The following DBH variants were observed in gnomAD, a reference collection of about 807,000 sequenced individuals.
The protein encoded by DBH is dopamine beta-hydroxylase (dopamine beta-monooxygenase).
A neutral mutation model predicts 64.0 loss-of-function variants in DBH; 49 were observed. That is an observed-to-expected ratio of 0.77 (90% CI 0.61 to 0.97). DBH has a LOEUF of 0.97. Among genes scored for constraint, DBH ranks in the 50% least tolerant of loss-of-function variants. The probability of loss-of-function intolerance (pLI) is 0.00; values close to 1 mark genes in which losing one functional copy is unlikely to be tolerated. For synonymous variants in DBH, 343 were observed against 347.1 expected (o/e 0.99, Z 0.13); for missense variants, 828 against 826.6 (o/e 1.00, Z -0.02).
At position 133,649,331 on chromosome 9, in the gene DBH, AC is replaced by A. The variant is rs1832218527; in HGVS notation, c.1191+1321del. 3.9e-5 allele frequency among the ~76,000 whole-genome samples: 6 copies of A among 152,336 alleles called. No individual in the cohort carries two copies. The South Asian group carries it at 1.2e-3, about 32-fold the overall frequency. On this transcript the variant is annotated intron_variant, in intron 6 of 11. Transcript: ENST00000393056. The stretch of plus-strand genomic sequence containing the variant: ...TGCGGTAGCTTTACTTCTCACAGTG[AC>A]CTGCAAAGTAAGTGTTGACGTACCC...
At chr9:133,657,441 A>AGGAGAGT in intron 11 of DBH, 1 of 420,574 alleles carries the variant, frequency 2.4e-6, no homozygotes, top group Non-Finnish European at 4.4e-6. Flanking sequence ...GAGGAGAGAG[A>AGGAGAGT]GGAGAGAGAG....
intron 2 of DBH, among the ~76,000 whole-genome samples, chr9:133,641,260 C>A (rs1337648910): frequency 6.6e-6 from 1 of 152,194 alleles, no homozygotes; most frequent in African/African-American, 2.4e-5. Context: ...AGTGGATGTA[C>A]CCAGGGGTTC....
Position 133,657,165 on chromosome 9 carries a change from A to AG in DBH, c.1660dup (p.Ala554GlyfsTer23). On this transcript the variant is annotated frameshift_variant, in exon 11 of 12. Transcript: ENST00000393056. LOFTEE classifies it high-confidence loss of function. ...AACTCCTTCAACCGCGACGTACTGA[A>AG]GGCCCTGTACAGCTTCGCGCCCATC... 1 of 1,614,082 alleles carries AG rather than the reference A, an allele frequency of 6.2e-7. No individual in the cohort carries two copies. Among genetic ancestry groups the AG allele is most frequent in the Non-Finnish European group, 8.5e-7 (1 of 1,180,016 alleles).
At chr9:133,656,106 C>T in intron 9 of DBH, 2 of 321,842 alleles carry the variant, frequency 6.2e-6, no homozygotes, top group Non-Finnish European at 1.2e-5. Flanking sequence ...GCTCCAGGCT[C>T]TCGCTGGAGG....
rs770831843 is a variant in DBH at position 133,658,332 on chromosome 9, AG to A, written c.1740del (p.Gln580HisfsTer101). Reference sequence around the variant, plus strand: ...TCCTTGCAGGGTGAATGGAACCTGCAGCCCCTGCCCAAGGTCATCTCCACAC... The same window carrying A: ...TCCTTGCAGGGTGAATGGAACCTGCACCCCTGCCCAAGGTCATCTCCACAC... ...AVRFQGEWNL[Q>X]PLPKVISTLE... On this transcript the variant is annotated frameshift_variant, in exon 12 of 12. Transcript: ENST00000393056. LOFTEE classifies it low-confidence loss of function (END_TRUNC). 6.2e-7 allele frequency: 1 copy of A among 1,613,916 alleles called. No individual in the cohort carries two copies. The highest frequency in any genetic ancestry group is 2.2e-5 in the East Asian group (1 of 44,856).
At chr9:133,652,097 A>T in intron 7 of DBH, 149 bp from the exon 8 acceptor site, 1 of 848,344 alleles carries the variant, frequency 1.2e-6, no homozygotes, top group Admixed American at 2.0e-5. Context: ...AGCCACACTT[A>T]GCGGGCTCTG....
chr9:133,658,079 C>T (rs193234159), intron 11 of DBH, among the ~76,000 whole-genome samples: 3 of 151,356 alleles, frequency 2.0e-5, no homozygotes, highest in South Asian at 4.2e-4. Context: ...GGGACAGAGG[C>T]GGGGAGAGGC....
chr9:133,650,686 T>C (rs996224870), intron 6 of DBH, among the ~76,000 whole-genome samples: 2 of 151,882 alleles, frequency 1.3e-5, no homozygotes, highest in Non-Finnish European at 2.9e-5. Flanking sequence ...TAGCTGGGAT[T>C]ACAGGCACGT....
At chr9:133,644,358 G>A in intron 5 of DBH, 38 bp downstream of exon 5, 1 of 1,539,646 alleles carries the variant, frequency 6.5e-7, no homozygotes, top group Non-Finnish European at 9.0e-7. Flanking sequence ...AGAAGCCCTA[G>A]GACTCAGCTG....
At chr9:133,658,230 C>T in intron 11 of DBH, 86 bp from the exon 12 acceptor site, 3 of 1,562,688 alleles carry the variant, frequency 1.9e-6, no homozygotes, top group Non-Finnish European at 2.6e-6. Flanking sequence ...GGCAAGAATC[C>T]AAGAGGTGGC....
rs117803155 is a variant in DBH, at chr9:133,649,021, G to A, written c.1191+1009G>A. ...TTCTGCTCCCTCCCACACATAGGAC[G>A]AGAGGGTGCCCGGTTTTACTGACCC... On this transcript the variant is annotated intron_variant, in intron 6 of 11. Coordinates refer to ENST00000393056, the MANE Select transcript of DBH (RefSeq NM_000787.4). 8.3e-3 allele frequency among the ~76,000 whole-genome samples: 1,265 copies of A among 152,288 alleles called. 6 individuals carry two copies. Among genetic ancestry groups the A allele is most frequent in the Non-Finnish European group, 0.014 (962 of 68,016 alleles).
intron 5 of DBH, 103 bp downstream of exon 5, chr9:133,644,423 T>C (rs745753766): frequency 4.8e-4 from 435 of 914,198 alleles, no homozygotes; most frequent in Non-Finnish European, 6.5e-4. Flanking sequence ...GTGCCCCCGC[T>C]GTACAGCTCC....
At chr9:133,642,133 AT>A in intron 2 of DBH, 73 bp from the exon 3 acceptor site, 2 of 1,590,704 alleles carry the variant, frequency 1.3e-6, no homozygotes, top group Non-Finnish European at 1.7e-6. Context: ...GTGGGCAGGG[AT>A]GTGGCATCCT....
chr9:133,649,267 T>G (rs1238199121), intron 6 of DBH, among the ~76,000 whole-genome samples: 4 of 152,210 alleles, frequency 2.6e-5, no homozygotes, highest in African/African-American at 4.8e-5. Flanking sequence ...ATGGATGTTA[T>G]TTCATAGTTT....
intron 5 of DBH, among the ~76,000 whole-genome samples, chr9:133,644,969 G>GCA (rs201069270): frequency 0.45 from 62,732 of 138,488 alleles, 13,283 homozygotes; most frequent in African/African-American, 0.5. Flanking sequence ...ACACACACAT[G>GCA]CACACATGTA....
chr9:133,641,540 C>G (rs1407010877), intron 2 of DBH, among the ~76,000 whole-genome samples: 1 of 152,248 alleles, frequency 6.6e-6, no homozygotes. Context: ...CCACACGGGT[C>G]TGCACTGTGG....
At chr9:133,648,099 G>A in intron 6 of DBH, 87 bp downstream of exon 6, 1 of 1,458,800 alleles carries the variant, frequency 6.9e-7, no homozygotes, top group Admixed American at 1.9e-5. Context: ...ACGAAGGGTG[G>A]CAGGCACAGC....
At position 133,657,408 on chromosome 9, in the gene DBH, GGAGAGAGGAGAGAGAGGAGAGAGAGGA is replaced by G. The variant is rs567810295; in HGVS notation, c.1722+203_1722+229del. ...CAGCCAGCCAGCCAGCAGAGAGAGA[GGAGAGAGGAGAGAGAGGAGAGAGAGGA>G]GAGAGAGGAGAGAGAGGAGAGAGGG... On this transcript the variant is annotated intron_variant, in intron 11 of 11. Transcript: ENST00000393056. The G allele has an allele frequency of 1.1e-3, 485 of 421,818 alleles. 22 individuals are homozygous for G. The highest frequency in any genetic ancestry group is 1.5e-3 in the Non-Finnish European group (350 of 233,416). The allele number at this position is 421,818 out of a possible 1,614,324, so 26.1% of individuals were successfully genotyped here.
chr9:133,637,681 C>T (rs921855517), intron 1 of DBH, among the ~76,000 whole-genome samples: 1 of 152,248 alleles, frequency 6.6e-6, no homozygotes, highest in Non-Finnish European at 1.5e-5. Flanking sequence ...GAGAGTCCCT[C>T]TCTGCCTTTT....
Sources: gnomAD v4.1 joint callset for allele counts (sites outside exome capture counted in the v4.1 genomes callset) on GRCh38, gnomAD v4.1.1 for gene constraint, MANE v1.5 for transcripts, NCBI Gene and HGNC (gene_info 2026-07-23, HGNC 2026-07-21) for gene names.